The following SLC38A11 variants were observed in gnomAD, a reference collection of about 807,000 sequenced individuals.
SLC38A11 encodes the protein putative sodium-coupled neutral amino acid transporter 11.
A neutral mutation model predicts 49.4 loss-of-function variants in SLC38A11; 51 were observed. The observed-to-expected ratio is 1.03, with a 90% confidence interval of 0.83 to 1.30. SLC38A11 has a LOEUF of 1.30. SLC38A11 is among the 50% of genes most tolerant of loss of function. The pLI is 0.00. For missense variants in SLC38A11, 574 were observed against 556.2 expected, an observed-to-expected ratio of 1.03 and a Z score of -0.32; for synonymous variants, 203 against 192.9, an observed-to-expected ratio of 1.05 and a Z score of -0.43.
chr2:164,952,258 A>G (rs542927004), intron 3 of SLC38A11, among the ~76,000 whole-genome samples: 3 of 152,324 alleles, frequency 2.0e-5, no homozygotes, highest in African/African-American at 7.2e-5. Context: ...GGCATAAGCC[A>G]GGCGGAGAGG....
chr2:164,939,023 A>G (rs1198235077), intron 6 of SLC38A11, among the ~76,000 whole-genome samples: 1 of 152,148 alleles, frequency 6.6e-6, no homozygotes, highest in African/African-American at 2.4e-5. Flanking sequence ...CACTGGATGA[A>G]AAATAAGCAC....
rs148021677 is a variant in SLC38A11, at chr2:164,919,318, C to A, written c.618-3345G>T. Reference sequence around the variant, plus strand: ...GCACTCTAGCTTGGTCAATAGAGTACGACCCTGCCTCAAAATGAATAAAAT... The same window carrying A: ...GCACTCTAGCTTGGTCAATAGAGTAAGACCCTGCCTCAAAATGAATAAAAT... On this transcript the variant is annotated intron_variant, in intron 7 of 11. Transcript: ENST00000685975. Among the ~76,000 whole-genome samples, 620 of 151,666 alleles carry A rather than the reference C, an allele frequency of 4.1e-3. 1 individual carries two copies. The highest frequency in any genetic ancestry group is 0.013 in the African/African-American group (537 of 41,332).
In SLC38A11 at chr2:164,908,655, T is replaced by C. The variant is rs1685186237; in HGVS notation, c.1080A>G (p.Ile360Met). Residue 360 changes from isoleucine (I) to methionine (M), a missense_variant, in exon 11 of 12, where the codon ATA (isoleucine) becomes ATG (methionine). Physicochemically the swap from Ile to Met is conservative, Grantham distance 10 (BLOSUM62 1). Coordinates refer to ENST00000685975, the MANE Select transcript of SLC38A11 (RefSeq NM_001351537.2). ...ACGTACTCACATTGAGTTCTAGAAC[T>C]ATCCCGAGGCAATCAATCAGCAATG... ...LVSLLIDCLG[I>M]VLELNGVLCA... 3 of 1,595,848 alleles carry C rather than the reference T, an allele frequency of 1.9e-6. No homozygotes were observed. Among genetic ancestry groups the C allele is most frequent in the South Asian group, 1.1e-5 (1 of 87,930 alleles).
At chr2:164,948,308 A>G (rs1220866866) in intron 3 of SLC38A11, among the ~76,000 whole-genome samples, 1 of 152,190 alleles carries the variant, frequency 6.6e-6, no homozygotes, top group Non-Finnish European at 1.5e-5. Context: ...AATAATGATA[A>G]CAACCACAAA....
intron 7 of SLC38A11, 99 bp from the exon 8 acceptor site, chr2:164,916,072 C>T: frequency 1.3e-6 from 1 of 758,908 alleles, no homozygotes; most frequent in Non-Finnish European, 2.2e-6. Flanking sequence ...AACTGAGTGT[C>T]TTTAAGCCAG....
At chr2:164,948,183 T>C (rs186488326) in intron 3 of SLC38A11, among the ~76,000 whole-genome samples, 1 of 152,350 alleles carries the variant, frequency 6.6e-6, no homozygotes, top group African/African-American at 2.4e-5. Flanking sequence ...TGGTGTTTAA[T>C]GTCCACCACA....
intron 5 of SLC38A11, among the ~76,000 whole-genome samples, chr2:164,944,135 C>T (rs900742542): frequency 3.3e-5 from 5 of 152,242 alleles, no homozygotes; most frequent in Middle Eastern, 3.4e-3. Flanking sequence ...GGATTATAGG[C>T]GTGAGCCACC....
At chr2:164,915,421 C>T (rs907498290) in intron 8 of SLC38A11, 148 bp from the exon 9 acceptor site, 1 of 677,816 alleles carries the variant, frequency 1.5e-6, no homozygotes, top group African/African-American at 1.8e-5. Context: ...AATAATTTTT[C>T]TAATAGTTCT....
At chr2:164,925,499 T>G (rs936437865) in intron 7 of SLC38A11, among the ~76,000 whole-genome samples, 10 of 152,156 alleles carry the variant, frequency 6.6e-5, no homozygotes, top group African/African-American at 2.4e-4. Context: ...GTTTTCCACA[T>G]CACCCTCTCC....
chr2:164,940,527 A>G (rs997832510), intron 5 of SLC38A11, among the ~76,000 whole-genome samples: 1 of 151,042 alleles, frequency 6.6e-6, no homozygotes, highest in Non-Finnish European at 1.5e-5. Context: ...TCTAAAGTCT[A>G]TAAAGATCCA....
intron 11 of SLC38A11, among the ~76,000 whole-genome samples, chr2:164,901,010 C>T (rs1463939901): frequency 2.0e-5 from 3 of 152,014 alleles, no homozygotes; most frequent in Non-Finnish European, 4.4e-5. Flanking sequence ...CAATTTCACT[C>T]TTTTGCATTT....
intron 8 of SLC38A11, 104 bp downstream of exon 8, chr2:164,915,799 A>C: frequency 1.2e-6 from 1 of 847,550 alleles, no homozygotes. Context: ...AGGAAGTCTA[A>C]AACTTAGGAC....
intron 10 of SLC38A11, 68 bp downstream of exon 10, chr2:164,911,567 TA>T: frequency 2.7e-6 from 2 of 739,388 alleles, no homozygotes; most frequent in Non-Finnish European, 4.2e-6. Context: ...GTATTATTTA[TA>T]AATCTTCCTA....
At position 164,898,415 on chromosome 2, in the gene SLC38A11, A is replaced by G. The variant is rs200670832; in HGVS notation, c.*22T>C. 8 of 1,520,090 alleles carry G rather than the reference A, an allele frequency of 5.3e-6. No individual in the cohort carries two copies. Among genetic ancestry groups the G allele is most frequent in the African/African-American group, 1.4e-5 (1 of 72,380 alleles). 94.2% of individuals were successfully genotyped at this position (1,520,090 alleles called of 1,614,324 possible). A position where few individuals can be genotyped will look rare whatever the true frequency, so the allele number is the denominator to read the frequency against. ...TGTGTTTTAAAGTCTATGAAAACAT[A>G]CATATTTTTAAAGCAGTCAACTCAT... On this transcript the variant is annotated 3_prime_UTR_variant, in exon 12 of 12. Transcript: ENST00000685975.
chr2:164,911,070 C>T (rs139405841), intron 10 of SLC38A11, among the ~76,000 whole-genome samples: 77 of 151,750 alleles, frequency 5.1e-4, no homozygotes, highest in African/African-American at 1.5e-3. Context: ...TAAATATACA[C>T]GTCTACATGT....
chr2:164,939,394 T>C (rs1264023342), intron 6 of SLC38A11, 56 bp downstream of exon 6: 3 of 1,197,076 alleles, frequency 2.5e-6, no homozygotes, highest in African/African-American at 1.5e-5. Context: ...AAGTAGACAG[T>C]AGATTATGCA....
intron 7 of SLC38A11, among the ~76,000 whole-genome samples, chr2:164,918,799 A>G (rs1305613484): frequency 6.6e-6 from 1 of 152,210 alleles, no homozygotes; most frequent in Non-Finnish European, 1.5e-5. Context: ...GATGTACACA[A>G]ACAATGACCA....
chr2:164,945,452 G>A (rs1688039690), intron 4 of SLC38A11, 141 bp downstream of exon 4: 1 of 732,266 alleles, frequency 1.4e-6, no homozygotes, highest in Non-Finnish European at 2.0e-6. Flanking sequence ...GGAGAAAATG[G>A]TTAAAGAAGT....
In SLC38A11 at chr2:164,942,994, T is replaced by G. The variant is rs75677612; in HGVS notation, c.430+1575A>C. Among the ~76,000 whole-genome samples, 529 of 152,340 alleles carry G rather than the reference T, an allele frequency of 3.5e-3. 2 individuals carry two copies. The highest frequency in any genetic ancestry group is 0.012 in the African/African-American group (505 of 41,586). ...ATGTCTCCGTGATCTCAAGTTCCAC[T>G]AAACCCTGTGTGAGGACTAGGTATG... On this transcript the variant is annotated intron_variant, in intron 5 of 11. Transcript: ENST00000685975.
Sources: allele counts gnomAD v4.1 joint callset (sites outside exome capture counted in the v4.1 genomes callset), GRCh38; gene constraint gnomAD v4.1.1; transcripts MANE v1.5; gene names NCBI Gene and HGNC (gene_info 2026-07-23, HGNC 2026-07-21).